The following EDIL3 variants were observed in gnomAD, a reference collection of about 807,000 sequenced individuals.
The protein encoded by EDIL3 is EGF-like repeat and discoidin I-like domain-containing protein 3.
Under a neutral mutation model 67.4 loss-of-function variants are expected in EDIL3, and 37 were observed. That is an observed-to-expected ratio of 0.55 (90% CI 0.42 to 0.72). EDIL3 has a LOEUF of 0.72. Ranked by LOEUF, EDIL3 falls within the 30% of genes least tolerant of loss-of-function variation. The pLI is 0.00. For missense variants in EDIL3, 527 were observed against 586.3 expected (o/e 0.90, Z 1.04); for synonymous variants, 195 against 196.3 (o/e 0.99, Z 0.05).
chr5:84,174,808 G>A (rs375355983), intron 4 of EDIL3, among the ~76,000 whole-genome samples: 8 of 152,158 alleles, frequency 5.3e-5, no homozygotes, highest in South Asian at 2.1e-4. Flanking sequence ...TCTTTGCAGA[G>A]TGATTGTTAT....
chr5:84,024,405 C>G (rs922591143), intron 9 of EDIL3, among the ~76,000 whole-genome samples: 1 of 152,118 alleles, frequency 6.6e-6, no homozygotes, highest in Non-Finnish European at 1.5e-5. Flanking sequence ...AGTAATACAT[C>G]AAGTTTTCAA....
At position 84,160,764 on chromosome 5, in the gene EDIL3, C is replaced by T. The variant is rs527692703; in HGVS notation, c.355+19629G>A. On this transcript the variant is annotated intron_variant, in intron 4 of 10. Coordinates refer to ENST00000296591, the MANE Select transcript of EDIL3 (RefSeq NM_005711.5). ...TCTTTTCTTTCCTTTCCTTTCCTTTCCTTTCCTTTCCTTTCCTTTCCTTTC... is the reference window on the plus strand; with the variant it reads ...TCTTTTCTTTCCTTTCCTTTCCTTTTCTTTCCTTTCCTTTCCTTTCCTTTC... Among the ~76,000 whole-genome samples the T allele has an allele frequency of 2.2e-4, 10 of 46,350 alleles. 1 individual carries two copies. The highest frequency in any genetic ancestry group is 1.7e-3 in the South Asian group (2 of 1,186). 30.4% of individuals were successfully genotyped at this position (46,350 alleles called of 152,430 possible). A position where few individuals can be genotyped will look rare whatever the true frequency, so the allele number is the denominator to read the frequency against.
chr5:84,057,861 T>C (rs1272785002), intron 9 of EDIL3, among the ~76,000 whole-genome samples: 1 of 152,094 alleles, frequency 6.6e-6, no homozygotes, highest in Non-Finnish European at 1.5e-5. Flanking sequence ...AACAACAAGT[T>C]AAGAAAGTCA....
intron 5 of EDIL3, among the ~76,000 whole-genome samples, chr5:84,119,277 C>T (rs1039283574): frequency 1.2e-4 from 15 of 127,482 alleles, no homozygotes; most frequent in Non-Finnish European, 2.4e-4. Context: ...CTCCCATTTC[C>T]CATGCAAAAT....
chr5:84,014,934 T>A (rs558221098), intron 9 of EDIL3, among the ~76,000 whole-genome samples: 2 of 152,304 alleles, frequency 1.3e-5, no homozygotes, highest in East Asian at 1.9e-4. Flanking sequence ...GCTATAATCA[T>A]ATTAGCACAT....
intron 9 of EDIL3, among the ~76,000 whole-genome samples, chr5:84,045,926 T>C (rs2301082): frequency 0.37 from 55,582 of 152,108 alleles, 11,281 homozygotes; most frequent in African/African-American, 0.56. Context: ...ATTATAGCAT[T>C]ACTGGCTTTG....
chr5:84,132,253 A>AAT (rs1422371461), intron 5 of EDIL3, among the ~76,000 whole-genome samples: 3 of 125,246 alleles, frequency 2.4e-5, no homozygotes, highest in Admixed American at 1.0e-4. Flanking sequence ...AAAAAGAAAA[A>AAT]ATATATATAT....
chr5:83,959,387 C>A (rs968485011), intron 10 of EDIL3, among the ~76,000 whole-genome samples: 17 of 150,774 alleles, frequency 1.1e-4, no homozygotes, highest in Non-Finnish European at 1.8e-4. Context: ...CTGAAGTAAT[C>A]TTGTGTCTGG....
intron 1 of EDIL3, among the ~76,000 whole-genome samples, chr5:84,371,359 ATGTG>A (rs1561271584): frequency 2.3e-5 from 3 of 129,774 alleles, no homozygotes; most frequent in African/African-American, 8.1e-5. Context: ...GTGTATATAT[ATGTG>A]TGTATATATG....
At chr5:84,123,164 T>A (rs1281655862) in intron 5 of EDIL3, among the ~76,000 whole-genome samples, 1 of 151,978 alleles carries the variant, frequency 6.6e-6, no homozygotes, top group Non-Finnish European at 1.5e-5. Context: ...CAGGATAAAT[T>A]GTGGAGGCAA....
At chr5:84,371,341 A>ATATATATATATATATATATATATG (rs1008172581) in intron 1 of EDIL3, among the ~76,000 whole-genome samples, 3 of 129,694 alleles carry the variant, frequency 2.3e-5, no homozygotes, top group Non-Finnish European at 3.4e-5. Flanking sequence ...ATATATATAT[A>ATATATATATATATATATATATATG]TGTGTGTGTG....
At chr5:84,049,847 A>C (rs1746297408) in intron 9 of EDIL3, among the ~76,000 whole-genome samples, 1 of 152,130 alleles carries the variant, frequency 6.6e-6, no homozygotes, top group Non-Finnish European at 1.5e-5. Flanking sequence ...ATAGCATAAC[A>C]ATTTTATGAT....
chr5:84,100,805 A>G (rs990961881), intron 6 of EDIL3, among the ~76,000 whole-genome samples: 8 of 152,126 alleles, frequency 5.3e-5, no homozygotes, highest in Non-Finnish European at 1.0e-4. Context: ...AAATACACCA[A>G]TTTTGATTTC....
chr5:84,325,982 T>C (rs1452428548), intron 1 of EDIL3, among the ~76,000 whole-genome samples: 1 of 152,138 alleles, frequency 6.6e-6, no homozygotes, highest in Non-Finnish European at 1.5e-5. Context: ...TAACCTCCAA[T>C]GCAGCAGTTT....
chr5:83,961,101 T>C (rs1744599117), intron 10 of EDIL3, among the ~76,000 whole-genome samples: 1 of 151,004 alleles, frequency 6.6e-6, no homozygotes, highest in Non-Finnish European at 1.5e-5. Flanking sequence ...ACAAAATAGA[T>C]TTCAGAGCAA....
chr5:83,975,670 T>C (rs1049416652), intron 9 of EDIL3, among the ~76,000 whole-genome samples: 3 of 151,958 alleles, frequency 2.0e-5, no homozygotes, highest in African/African-American at 7.2e-5. Context: ...AGATGTATAA[T>C]TCCTTTTTTA....
intron 9 of EDIL3, among the ~76,000 whole-genome samples, chr5:83,998,027 G>C (rs1241722903): frequency 6.6e-6 from 1 of 152,086 alleles, no homozygotes; most frequent in East Asian, 1.9e-4. Flanking sequence ...AGTACTCTGG[G>C]ATCCTAAAAA....
chr5:84,039,109 T>G (rs1746074638), intron 9 of EDIL3, among the ~76,000 whole-genome samples: 1 of 100,654 alleles, frequency 9.9e-6, no homozygotes, highest in Non-Finnish European at 1.7e-5. Context: ...AAAGACTGTG[T>G]TTTTTTTTTT....
At chr5:84,146,738 A>C (rs1229294898) in intron 4 of EDIL3, among the ~76,000 whole-genome samples, 1 of 152,118 alleles carries the variant, frequency 6.6e-6, no homozygotes. Context: ...CATATCTTTT[A>C]ACTTTACACT....
Sources: gnomAD v4.1 joint callset for allele counts (sites outside exome capture counted in the v4.1 genomes callset) on GRCh38, gnomAD v4.1.1 for gene constraint, MANE v1.5 for transcripts, NCBI Gene and HGNC (gene_info 2026-07-23, HGNC 2026-07-21) for gene names.